The following ADAMTS2 variants were observed in gnomAD, a reference collection of about 807,000 sequenced individuals.
ADAMTS2 encodes ADAM metallopeptidase with thrombospondin type 1 motif 2.
A neutral mutation model predicts 123.0 loss-of-function variants in ADAMTS2; 50 were observed. That is an observed-to-expected ratio of 0.41 (90% confidence interval 0.32 to 0.51). ADAMTS2 has a LOEUF of 0.51. Among genes scored for constraint, ADAMTS2 ranks in the 20% least tolerant of loss-of-function variants. The pLI is 0.35. For synonymous variants in ADAMTS2, 678 were observed against 695.4 expected (o/e 0.98, Z 0.39); for missense variants, 1,494 against 1,705.2 (o/e 0.88, Z 2.18).
chr5:179,293,042 G>A (rs163324), intron 2 of ADAMTS2, among the ~76,000 whole-genome samples: 16,611 of 152,160 alleles, frequency 0.11, 1,032 homozygotes, highest in Non-Finnish European at 0.14. Context: ...GGTGGGAAGC[G>A]TCTTTCCTGC....
chr5:179,247,705 C>A (rs919155696), intron 3 of ADAMTS2, among the ~76,000 whole-genome samples: 49 of 152,100 alleles, frequency 3.2e-4, no homozygotes, highest in African/African-American at 1.2e-3. Flanking sequence ...ACAATAAAGG[C>A]CAGAAACCAA....
intron 3 of ADAMTS2, among the ~76,000 whole-genome samples, chr5:179,245,422 G>A (rs1453792401): frequency 6.6e-6 from 1 of 152,166 alleles, no homozygotes; most frequent in African/African-American, 2.4e-5. Flanking sequence ...GTGGTAATTT[G>A]TTACCGCAGC....
chr5:179,266,654 C>T (rs1157288471), intron 3 of ADAMTS2, among the ~76,000 whole-genome samples: 1 of 152,218 alleles, frequency 6.6e-6, no homozygotes, highest in East Asian at 1.9e-4. Context: ...GGTACAGCAG[C>T]CACAGGAAGC....
intron 3 of ADAMTS2, among the ~76,000 whole-genome samples, chr5:179,237,412 A>C (rs568966215): frequency 6.6e-6 from 1 of 152,356 alleles, no homozygotes; most frequent in East Asian, 1.9e-4. Flanking sequence ...ATCTGCCAGC[A>C]CTTTGATCTT....
intron 5 of ADAMTS2, among the ~76,000 whole-genome samples, chr5:179,168,713 G>A (rs1463668098): frequency 6.6e-6 from 1 of 152,184 alleles, no homozygotes; most frequent in Admixed American, 6.5e-5. Flanking sequence ...GACAAAGCCA[G>A]AATGAATGGC....
intron 3 of ADAMTS2, among the ~76,000 whole-genome samples, chr5:179,235,006 G>A (rs1667188924): frequency 6.6e-6 from 1 of 152,162 alleles, no homozygotes; most frequent in African/African-American, 2.4e-5. Flanking sequence ...ACAGCCATGG[G>A]TCCGAGAAAA....
At chr5:179,213,949 T>C (rs1003460764) in intron 3 of ADAMTS2, among the ~76,000 whole-genome samples, 1 of 152,216 alleles carries the variant, frequency 6.6e-6, no homozygotes, top group Non-Finnish European at 1.5e-5. Flanking sequence ...TAGGTAGGGA[T>C]AGAAACTATT....
In ADAMTS2 at chr5:179,272,576, G is replaced by A. The variant is rs963759183; in HGVS notation, c.688+335C>T. On this transcript the variant is annotated intron_variant, in intron 3 of 21. Coordinates refer to ENST00000251582, the MANE Select transcript of ADAMTS2 (RefSeq NM_014244.5). The surrounding 1 kb of genome is among the most constrained non-coding windows in gnomAD (Gnocchi z 5.8). ...GACTCAGGCCTGGCCGGGGGCCCCCGCCCCGCTCCACGACACTTGCTTGCC... is the reference window on the plus strand; with the variant it reads ...GACTCAGGCCTGGCCGGGGGCCCCCACCCCGCTCCACGACACTTGCTTGCC... Among the ~76,000 whole-genome samples, 5 of 152,066 alleles carry A rather than the reference G, an allele frequency of 3.3e-5. No individual in the cohort carries two copies. Among genetic ancestry groups the A allele is most frequent in the Non-Finnish European group, 7.4e-5 (5 of 67,988 alleles).
chr5:179,221,401 C>A (rs1330166789), intron 3 of ADAMTS2, among the ~76,000 whole-genome samples: 1 of 152,196 alleles, frequency 6.6e-6, no homozygotes, highest in Non-Finnish European at 1.5e-5. Context: ...CCTGGCCCAG[C>A]TGAGGACCTT....
At position 179,153,490 on chromosome 5, in the gene ADAMTS2, C is replaced by G; in HGVS notation, c.1515+1G>C. ...TCCCGGCTGCAGGGCTGCACACTCA[C>G]CGCCGTGCACATCATGTAGCCCAGG... On this transcript the variant is annotated splice_donor_variant, in intron 9 of 21. Transcript: ENST00000251582. LOFTEE classifies it high-confidence loss of function. The G allele has an allele frequency of 6.2e-7, 1 of 1,608,202 alleles. No homozygotes were observed. The highest frequency in any genetic ancestry group is 8.5e-7 in the Non-Finnish European group (1 of 1,179,892).
chr5:179,194,277 TC>T (rs1665473006), intron 4 of ADAMTS2, among the ~76,000 whole-genome samples: 1 of 152,062 alleles, frequency 6.6e-6, no homozygotes, highest in South Asian at 2.1e-4. Flanking sequence ...GTTCGAGTGT[TC>T]CCCACCTGCT....
At chr5:179,126,991 T>C (rs1255004505) in intron 17 of ADAMTS2, among the ~76,000 whole-genome samples, 2 of 152,346 alleles carry the variant, frequency 1.3e-5, no homozygotes, top group East Asian at 3.9e-4. Flanking sequence ...GGCCAACAAG[T>C]TGCCCCAACC....
intron 3 of ADAMTS2, among the ~76,000 whole-genome samples, chr5:179,246,890 C>T (rs1333412500): frequency 1.3e-5 from 2 of 152,138 alleles, no homozygotes; most frequent in African/African-American, 4.8e-5. Flanking sequence ...AAACAAGCAA[C>T]AACACATAAA....
chr5:179,257,962 C>T lies in ADAMTS2; in HGVS notation c.688+14949G>A, dbSNP rs535702256. ...AATTGGAGGCCCTCCTGCTGCTGGCCGACCCCGTGTCTACCTGGGCCCAGT... is the reference window on the plus strand; with the variant it reads ...AATTGGAGGCCCTCCTGCTGCTGGCTGACCCCGTGTCTACCTGGGCCCAGT... On this transcript the variant is annotated intron_variant, in intron 3 of 21. Transcript: ENST00000251582. 2.0e-5 allele frequency among the ~76,000 whole-genome samples: 3 copies of T among 152,318 alleles called. No individual in the cohort carries two copies. In the East Asian group the frequency reaches 5.8e-4, roughly 29 times the overall value.
chr5:179,183,580 C>T (rs1441567513), intron 4 of ADAMTS2, among the ~76,000 whole-genome samples: 1 of 152,196 alleles, frequency 6.6e-6, no homozygotes, highest in African/African-American at 2.4e-5. Context: ...AGAGGGTGGC[C>T]CAGCTCCCAG....
chr5:179,194,814 G>A (rs1764383527), intron 4 of ADAMTS2, among the ~76,000 whole-genome samples: 1 of 152,096 alleles, frequency 6.6e-6, no homozygotes, highest in African/African-American at 2.4e-5. Context: ...ACCAGCAAAT[G>A]TGAGTTCCCC....
intron 3 of ADAMTS2, among the ~76,000 whole-genome samples, chr5:179,222,286 C>T (rs1011687197): frequency 6.6e-6 from 1 of 152,184 alleles, no homozygotes; most frequent in Non-Finnish European, 1.5e-5. Flanking sequence ...GTTGACGAGG[C>T]TTAATTTGAT....
rs1056306654 is a variant in ADAMTS2 at position 179,308,751 on chromosome 5, G to C, written c.534+35016C>G. On this transcript the variant is annotated intron_variant, in intron 2 of 21. Coordinates refer to ENST00000251582, the MANE Select transcript of ADAMTS2 (RefSeq NM_014244.5). The surrounding 1 kb of genome is among the most constrained non-coding windows in gnomAD (Gnocchi z 6.6). Reference sequence around the variant, plus strand: ...CCTGAGTGGAAGCAGGGCGCGGGCTGCCATGGAACCCCACCCTCCTGCAGG... The same window carrying C: ...CCTGAGTGGAAGCAGGGCGCGGGCTCCCATGGAACCCCACCCTCCTGCAGG... 3.3e-5 allele frequency among the ~76,000 whole-genome samples: 5 copies of C among 152,182 alleles called. No homozygotes were observed. The highest frequency in any genetic ancestry group is 1.2e-4 in the African/African-American group (5 of 41,450).
Position 179,264,138 on chromosome 5 carries a change from C to T in ADAMTS2, c.688+8773G>A, listed in dbSNP as rs1170075706. Among the ~76,000 whole-genome samples the T allele has an allele frequency of 2.0e-5, 3 of 152,194 alleles. No homozygotes were observed. In the East Asian group the frequency reaches 5.8e-4, roughly 29 times the overall value. On this transcript the variant is annotated intron_variant, in intron 3 of 21. Coordinates refer to ENST00000251582, the MANE Select transcript of ADAMTS2 (RefSeq NM_014244.5). ...TCAGATGTCCCTACAGCTGCCTCTG[C>T]AGCCCTGATGCTGGTACCCAACGCC... is the stretch of plus-strand genomic sequence containing the variant.
Sources: allele counts gnomAD v4.1 joint callset (sites outside exome capture counted in the v4.1 genomes callset), GRCh38; gene constraint gnomAD v4.1.1; non-coding constraint Gnocchi (gnomAD v3.1); transcripts MANE v1.5; gene names NCBI Gene and HGNC (gene_info 2026-07-23, HGNC 2026-07-21).